Variants in TTBK2 observed in about 807,000 individuals in gnomAD.
TTBK2 encodes the protein tau tubulin kinase 2, also known as tau-tubulin kinase 2.
Under a neutral mutation model 110.8 loss-of-function variants are expected in TTBK2, and 28 were observed. That is an observed-to-expected ratio of 0.25 (90% CI 0.19 to 0.35). The LOEUF (loss-of-function observed/expected upper bound fraction) is 0.35, where lower values mean the gene tolerates loss of function less well. TTBK2 is among the 10% of genes least tolerant of loss of function. TTBK2 has a pLI of 1.00. For missense variants in TTBK2, 1,369 were observed against 1,500.3 expected, an observed-to-expected ratio of 0.91 and a Z score of 1.45; for synonymous variants, 532 against 527.3, an observed-to-expected ratio of 1.01 and a Z score of -0.12.
At chr15:42,815,952 A>AT (rs1328435730) in intron 7 of TTBK2, among the ~76,000 whole-genome samples, 1 of 33,416 alleles carries the variant, frequency 3.0e-5, no homozygotes, top group African/African-American at 2.0e-4. Context: ...ATATATTTAA[A>AT]AAAAAAATAT....
intron 1 of TTBK2, among the ~76,000 whole-genome samples, chr15:42,897,224 T>TAAAGAA: frequency 1.3e-5 from 2 of 152,276 alleles, no homozygotes; most frequent in South Asian, 4.1e-4. Context: ...AAATCTATGT[T>TAAAGAA]AAAGAAAAAG....
At chr15:42,801,685 A>C in intron 9 of TTBK2, 1 of 896,326 alleles carries the variant, frequency 1.1e-6, no homozygotes, top group South Asian at 1.3e-5. Flanking sequence ...ACAGCACCAC[A>C]GATGTATCCG....
chr15:42,899,257 C>T (rs928252435), intron 1 of TTBK2, among the ~76,000 whole-genome samples: 3 of 152,010 alleles, frequency 2.0e-5, no homozygotes, highest in African/African-American at 7.2e-5. Context: ...CTCAGACTCC[C>T]AAAGTGCTGG....
At chr15:42,763,135 TATACATAC>T (rs1422794614) in intron 13 of TTBK2, among the ~76,000 whole-genome samples, 16 of 93,484 alleles carry the variant, frequency 1.7e-4, no homozygotes, top group African/African-American at 8.7e-4. Context: ...TATATACATA[TATACATAC>T]ATATATATAT....
intron 3 of TTBK2, among the ~76,000 whole-genome samples, chr15:42,843,133 A>C (rs1192717180): frequency 6.6e-6 from 1 of 152,230 alleles, no homozygotes; most frequent in South Asian, 2.1e-4. Context: ...TGTAACAGTG[A>C]GAGACATCCA....
Position 42,901,329 on chromosome 15 carries a change from T to A in TTBK2, c.-68+19109A>T, listed in dbSNP as rs141919417. ...GTGAGCTGAGATCACACCATTGCACTCCAGCCTGGGCGACAGAGCAAGACT... is the reference window on the plus strand; with the variant it reads ...GTGAGCTGAGATCACACCATTGCACACCAGCCTGGGCGACAGAGCAAGACT... On this transcript the variant is annotated intron_variant, in intron 1 of 14. Coordinates refer to ENST00000267890, the MANE Select transcript of TTBK2 (RefSeq NM_173500.4). Among the ~76,000 whole-genome samples the A allele has an allele frequency of 6.1e-3, 918 of 151,112 alleles. 4 individuals are homozygous for A. Among genetic ancestry groups the A allele is most frequent in the Non-Finnish European group, 8.0e-3 (542 of 67,832 alleles).
chr15:42,838,659 T>C (rs1432858037), intron 4 of TTBK2, among the ~76,000 whole-genome samples: 1 of 151,766 alleles, frequency 6.6e-6, no homozygotes, highest in Non-Finnish European at 1.5e-5. Flanking sequence ...CTACTAAAAA[T>C]ACAGAAATTA....
chr15:42,864,354 G>A (rs1480805575), intron 3 of TTBK2, among the ~76,000 whole-genome samples: 1 of 152,186 alleles, frequency 6.6e-6, no homozygotes, highest in Non-Finnish European at 1.5e-5. Context: ...GGAGGCCAAA[G>A]CAGGCAGATC....
intron 3 of TTBK2, among the ~76,000 whole-genome samples, chr15:42,856,805 T>G (rs1052825255): frequency 6.6e-6 from 1 of 152,198 alleles, no homozygotes; most frequent in Non-Finnish European, 1.5e-5. Flanking sequence ...CTCACACCTG[T>G]GATCCCAACA....
At chr15:42,758,149 C>G (rs530852267) in intron 13 of TTBK2, among the ~76,000 whole-genome samples, 77 of 152,166 alleles carry the variant, frequency 5.1e-4, no homozygotes, top group Non-Finnish European at 8.5e-4. Context: ...TCCAAATAGC[C>G]TTTCTTCCAA....
intron 3 of TTBK2, among the ~76,000 whole-genome samples, chr15:42,843,026 G>T (rs1893295347): frequency 6.6e-6 from 1 of 152,102 alleles, no homozygotes; most frequent in Admixed American, 6.5e-5. Context: ...GTTAAATAGT[G>T]TTTTCCTTGT....
At chr15:42,848,839 G>A (rs1483349818) in intron 3 of TTBK2, among the ~76,000 whole-genome samples, 1 of 152,112 alleles carries the variant, frequency 6.6e-6, no homozygotes, top group Non-Finnish European at 1.5e-5. Flanking sequence ...ACTTCTTTTG[G>A]AGTTACTGAA....
In TTBK2 at chr15:42,743,733, C is replaced by T. The variant is rs1392289885; in HGVS notation, c.*2062G>A. The T allele has an allele frequency of 6.6e-6, 1 of 152,102 alleles. No homozygotes were observed. The highest frequency in any genetic ancestry group is 1.9e-4 in the East Asian group (1 of 5,200). The allele number at this position is 152,102 out of a possible 1,614,324, so 9.4% of individuals were successfully genotyped here. A position where few individuals can be genotyped will look rare whatever the true frequency, so the allele number is the denominator to read the frequency against. On this transcript the variant is annotated 3_prime_UTR_variant, in exon 15 of 15. Transcript: ENST00000267890. ...CCTGTAATTTTTTCCCTATTAAAAT[C>T]TTTTTGAAATGAAAATTAAATAACC...
At position 42,816,081 on chromosome 15, in the gene TTBK2, A is replaced by ATATAT. The variant is rs1891995255; in HGVS notation, c.603+950_603+951insATATA. On this transcript the variant is annotated intron_variant, in intron 7 of 14. Transcript: ENST00000267890. ...AAATATATATATATAAAAATAAATA[A>ATATAT]ATAAATATATATATATATATATATA... Among the ~76,000 whole-genome samples the ATATAT allele has an allele frequency of 5.2e-3, 312 of 60,248 alleles. 1 individual carries two copies. Among genetic ancestry groups the ATATAT allele is most frequent in the Non-Finnish European group, 6.9e-3 (255 of 36,994 alleles). The allele number at this position is 60,248 out of a possible 152,430, so 39.5% of individuals were successfully genotyped here.
chr15:42,766,702 C>T (rs1889397895), intron 13 of TTBK2, among the ~76,000 whole-genome samples: 1 of 152,170 alleles, frequency 6.6e-6, no homozygotes, highest in Non-Finnish European at 1.5e-5. Flanking sequence ...TAACACCCCA[C>T]TGTCAACATT....
rs140625493 is a variant in TTBK2 at position 42,870,181 on chromosome 15, A to T, written c.217+2430T>A. On this transcript the variant is annotated intron_variant, in intron 3 of 14. Coordinates refer to ENST00000267890, the MANE Select transcript of TTBK2 (RefSeq NM_173500.4). Reference sequence around the variant, plus strand: ...AGAGCAAGACTCCATCACAAAAAAAAAATAATAATAATAATAAAATTCGAG... The same window carrying T: ...AGAGCAAGACTCCATCACAAAAAAATAATAATAATAATAATAAAATTCGAG... Among the ~76,000 whole-genome samples, 793 of 152,142 alleles carry T rather than the reference A, an allele frequency of 5.2e-3. 3 individuals are homozygous for T. The highest frequency in any genetic ancestry group is 0.01 in the African/African-American group (427 of 41,494).
At chr15:42,893,629 A>G (rs1024572600) in intron 1 of TTBK2, among the ~76,000 whole-genome samples, 2 of 151,438 alleles carry the variant, frequency 1.3e-5, no homozygotes, top group African/African-American at 4.9e-5. Context: ...AACAAAAGAC[A>G]AAATAATAAC....
chr15:42,801,761 T>C (rs557309198), intron 9 of TTBK2: 1 of 817,964 alleles, frequency 1.2e-6, no homozygotes, highest in Non-Finnish European at 2.2e-6. Flanking sequence ...ATCTTGGCAG[T>C]CAGCTCTTTC....
At chr15:42,763,177 T>TATACAC (rs1889154635) in intron 13 of TTBK2, among the ~76,000 whole-genome samples, 2 of 20,280 alleles carry the variant, frequency 9.9e-5, no homozygotes, top group Non-Finnish European at 1.8e-4. Context: ...TATATATATA[T>TATACAC]ATATATATAT....
Sources: allele counts gnomAD v4.1 joint callset (sites outside exome capture counted in the v4.1 genomes callset), GRCh38; gene constraint gnomAD v4.1.1; transcripts MANE v1.5; gene names NCBI Gene and HGNC (gene_info 2026-07-23, HGNC 2026-07-21).